Variants in CNIH3 observed in about 807,000 individuals in gnomAD.
The protein encoded by CNIH3 is cornichon family AMPA receptor auxiliary protein 3.
In CNIH3, 14 loss-of-function variants were observed where a neutral mutation model predicts 24.1. That is an observed-to-expected ratio of 0.58 (90% CI 0.38 to 0.91). The LOEUF is 0.91. Ranked by LOEUF, CNIH3 falls within the 40% of genes least tolerant of loss-of-function variation. The pLI, the probability that CNIH3 is intolerant of heterozygous loss-of-function variation, is 0.00. For missense variants in CNIH3, 178 were observed against 196.8 expected (o/e 0.90, Z 0.57); for synonymous variants, 68 against 73.8 (o/e 0.92, Z 0.40).
rs1684970421 is a variant in CNIH3 at position 224,653,709 on chromosome 1, A to G, written c.82-27249A>G. On this transcript the variant is annotated intron_variant, in intron 1 of 5. Coordinates refer to ENST00000272133, the MANE Select transcript of CNIH3 (RefSeq NM_152495.2). ...AATTCTCAGTTACTGTTGCTTTTTA[A>G]TACTACCTCAAGAGTCAGTATGGCC... 2.0e-5 allele frequency among the ~76,000 whole-genome samples: 3 copies of G among 152,240 alleles called. No individual in the cohort carries two copies. In the South Asian group the frequency reaches 6.2e-4, roughly 31 times the overall value.
chr1:224,618,130 G>C (rs1345408874), intron 1 of CNIH3, among the ~76,000 whole-genome samples: 1 of 152,230 alleles, frequency 6.6e-6, no homozygotes, highest in Non-Finnish European at 1.5e-5. Context: ...TACTGAGAGA[G>C]CGCGCAGGAG....
intron 1 of CNIH3, among the ~76,000 whole-genome samples, chr1:224,503,905 G>A (rs1677791518): frequency 1.3e-5 from 2 of 152,256 alleles, no homozygotes. Flanking sequence ...CCAGGAGGGA[G>A]GGGTGCCGGG....
chr1:224,482,651 C>T (rs911211228), intron 1 of CNIH3, among the ~76,000 whole-genome samples: 1 of 151,820 alleles, frequency 6.6e-6, no homozygotes, highest in African/African-American at 2.4e-5. Context: ...CCTCTCCTCT[C>T]CTCAAGCAGA....
chr1:224,662,667 A>G (rs1006957604), intron 1 of CNIH3, among the ~76,000 whole-genome samples: 2 of 152,234 alleles, frequency 1.3e-5, no homozygotes, highest in East Asian at 3.8e-4. Context: ...TTGGACTTAT[A>G]TACTTAATTT....
At chr1:224,651,026 G>C (rs1024883749) in intron 1 of CNIH3, among the ~76,000 whole-genome samples, 2 of 151,934 alleles carry the variant, frequency 1.3e-5, no homozygotes, top group African/African-American at 4.8e-5. Flanking sequence ...AGTAGATGGT[G>C]GGCTGGAGTG....
At chr1:224,544,932 G>T (rs1360467759) in intron 2 of CNIH3, among the ~76,000 whole-genome samples, 1 of 152,178 alleles carries the variant, frequency 6.6e-6, no homozygotes, top group Non-Finnish European at 1.5e-5. Flanking sequence ...GTAGTCTTCA[G>T]GCTTCTGGCC....
At chr1:224,712,582 G>A (rs918763599) in intron 3 of CNIH3, among the ~76,000 whole-genome samples, 1 of 152,210 alleles carries the variant, frequency 6.6e-6, no homozygotes, top group African/African-American at 2.4e-5. Flanking sequence ...GGTGAGACTT[G>A]AAGGGTAGCA....
chr1:224,537,988 T>C (rs1432562766), downstream of CNIH3, among the ~76,000 whole-genome samples: 1 of 151,956 alleles, frequency 6.6e-6, no homozygotes, highest in African/African-American at 2.4e-5. Flanking sequence ...TCTCACTCTG[T>C]CACCCAGGCT....
chr1:224,517,907 C>T (rs1338306052), intron 1 of CNIH3, among the ~76,000 whole-genome samples: 3 of 152,080 alleles, frequency 2.0e-5, no homozygotes, highest in Non-Finnish European at 1.5e-5. Context: ...GTGTGCTGGG[C>T]CTTGGGAATG....
At chr1:224,452,734 A>T (rs999870550) in intron 1 of CNIH3, among the ~76,000 whole-genome samples, 12 of 144,592 alleles carry the variant, frequency 8.3e-5, no homozygotes, top group Non-Finnish European at 1.7e-4. Context: ...GTGAGCCGAG[A>T]TCGCGCCACT....
At chr1:224,727,627 A>G (rs988034019) in intron 3 of CNIH3, among the ~76,000 whole-genome samples, 3 of 152,146 alleles carry the variant, frequency 2.0e-5, no homozygotes, top group African/African-American at 4.8e-5. Context: ...CATAATGGCT[A>G]TGGTGCAGGC....
chr1:224,436,277 T>C (rs904019865), intron 1 of CNIH3, among the ~76,000 whole-genome samples: 1 of 152,202 alleles, frequency 6.6e-6, no homozygotes, highest in African/African-American at 2.4e-5. Flanking sequence ...AGAGCCTGAA[T>C]TACTAGATAG....
chr1:224,495,056 ACTCT>A (rs1677379451), intron 1 of CNIH3, among the ~76,000 whole-genome samples: 2 of 151,494 alleles, frequency 1.3e-5, no homozygotes, highest in Non-Finnish European at 2.9e-5. Flanking sequence ...ACACACACAC[ACTCT>A]CTACCAGTTC....
chr1:224,486,715 A>G (rs892498204), intron 1 of CNIH3, among the ~76,000 whole-genome samples: 4 of 152,226 alleles, frequency 2.6e-5, no homozygotes, highest in African/African-American at 9.6e-5. Context: ...CAGCTTTTTA[A>G]AGGTTGCTAA....
downstream of CNIH3, among the ~76,000 whole-genome samples, chr1:224,589,278 T>G (rs547668721): frequency 6.6e-6 from 1 of 152,320 alleles, no homozygotes; most frequent in African/African-American, 2.4e-5. Flanking sequence ...GCTCACTTCC[T>G]GTCCTCACTG....
chr1:224,698,138 A>G (rs1197804628), intron 3 of CNIH3, among the ~76,000 whole-genome samples: 1 of 152,230 alleles, frequency 6.6e-6, no homozygotes, highest in Non-Finnish European at 1.5e-5. Flanking sequence ...TGGCACAGAC[A>G]ATTACACAAC....
chr1:224,564,428 G>C (rs547537977), intron 3 of CNIH3, among the ~76,000 whole-genome samples: 1 of 152,340 alleles, frequency 6.6e-6, no homozygotes, highest in East Asian at 1.9e-4. Flanking sequence ...AGAGGCTAAG[G>C]CCATCCCAGG....
rs7522430 is a variant in CNIH3 at position 224,704,564 on chromosome 1, A to G, written c.198+19721A>G. ...ATCCGCCGCTTATTCAGTTTGCCAC[A>G]TTTGCCTTCTCAGCTCTTCCCCATC... is the stretch of plus-strand genomic sequence containing the variant. On this transcript the variant is annotated intron_variant, in intron 3 of 5. Coordinates refer to ENST00000272133, the MANE Select transcript of CNIH3 (RefSeq NM_152495.2). This position sits in a 1 kb window ranked among gnomAD's most constrained non-coding sequence, Gnocchi z 4.2. Among the ~76,000 whole-genome samples the G allele has an allele frequency of 0.026, 3,923 of 152,110 alleles. 154 individuals carry two copies. The highest frequency in any genetic ancestry group is 0.077 in the African/African-American group (3,209 of 41,470).
At chr1:224,438,168 C>G (rs961568495) in intron 1 of CNIH3, among the ~76,000 whole-genome samples, 9 of 151,902 alleles carry the variant, frequency 5.9e-5, no homozygotes, top group African/African-American at 2.2e-4. Flanking sequence ...TCGTGATCTG[C>G]CCACCTCAGC....
Sources: gnomAD v4.1 joint callset for allele counts (sites outside exome capture counted in the v4.1 genomes callset) on GRCh38, gnomAD v4.1.1 for gene constraint, Gnocchi (gnomAD v3.1) non-coding constraint, MANE v1.5 for transcripts, NCBI Gene and HGNC (gene_info 2026-07-23, HGNC 2026-07-21) for gene names.